Variants in CADM2 observed in about 807,000 individuals in gnomAD.
The protein encoded by CADM2 is immunoglobulin superfamily member 4D.
In CADM2, 12 loss-of-function variants were observed where a neutral mutation model predicts 49.8. The ratio of observed to expected loss-of-function variants is 0.24; its 90% CI spans 0.15 to 0.39. CADM2 has a LOEUF of 0.39. Among genes scored for constraint, CADM2 ranks in the 10% least tolerant of loss-of-function variants. The probability of loss-of-function intolerance (pLI) is 1.00; values close to 1 mark genes in which losing one functional copy is unlikely to be tolerated. For synonymous variants in CADM2, 214 were observed against 175.4 expected (o/e 1.22, Z -1.74); for missense variants, 378 against 492.3 (o/e 0.77, Z 2.20).
intron 7 of CADM2, among the ~76,000 whole-genome samples, chr3:85,942,085 AATG>A (rs1225895949): frequency 2.0e-5 from 3 of 152,088 alleles, no homozygotes; most frequent in African/African-American, 7.2e-5. Flanking sequence ...TATTAACAAC[AATG>A]ATGATTGTAT....
chr3:85,788,291 A>T (rs989722818), intron 2 of CADM2, among the ~76,000 whole-genome samples: 11 of 152,164 alleles, frequency 7.2e-5, no homozygotes, highest in African/African-American at 2.7e-4. Flanking sequence ...TATCAATAAT[A>T]TAAACTGAAA....
At chr3:85,673,733 T>C (rs140757730) in intron 1 of CADM2, among the ~76,000 whole-genome samples, 1 of 152,202 alleles carries the variant, frequency 6.6e-6, no homozygotes, top group African/African-American at 2.4e-5. Flanking sequence ...CCAGGCTCGT[T>C]TAAACCCAAA....
At chr3:85,955,011 A>G (rs915088483) in intron 7 of CADM2, among the ~76,000 whole-genome samples, 1 of 151,340 alleles carries the variant, frequency 6.6e-6, no homozygotes, top group Non-Finnish European at 1.5e-5. Context: ...TGGAATTTCT[A>G]AACTGAAATA....
chr3:85,269,788 G>A lies in CADM2; in HGVS notation c.61+310120G>A, dbSNP rs1347371888. Reference sequence around the variant, plus strand: ...AATCAATGCAAACCATCTGTCTCAAGTAGAAAATGAACATTTTTAATTTTC... The same window carrying A: ...AATCAATGCAAACCATCTGTCTCAAATAGAAAATGAACATTTTTAATTTTC... On this transcript the variant is annotated intron_variant, in intron 1 of 9. Coordinates refer to ENST00000383699, the MANE Select transcript of CADM2 (RefSeq NM_001167675.2). Among the ~76,000 whole-genome samples, 6 of 151,318 alleles carry A rather than the reference G, an allele frequency of 4.0e-5. No homozygotes were observed. In the East Asian group the frequency reaches 1.2e-3, roughly 30 times the overall value.
chr3:85,151,618 A>G (rs755889873), intron 1 of CADM2, among the ~76,000 whole-genome samples: 10 of 152,232 alleles, frequency 6.6e-5, no homozygotes, highest in Admixed American at 3.9e-4. Context: ...AATCCAAGTT[A>G]TGATGGCTCC....
chr3:85,267,481 C>G (rs2043147117), intron 1 of CADM2, among the ~76,000 whole-genome samples: 1 of 151,718 alleles, frequency 6.6e-6, no homozygotes, highest in African/African-American at 2.4e-5. Flanking sequence ...CAGAAACCCA[C>G]CATATTTAAG....
chr3:85,514,884 G>T (rs1277981766), intron 1 of CADM2, among the ~76,000 whole-genome samples: 1 of 151,970 alleles, frequency 6.6e-6, no homozygotes, highest in Non-Finnish European at 1.5e-5. Flanking sequence ...ATCCAGCATA[G>T]ACATGATTAA....
intron 1 of CADM2, among the ~76,000 whole-genome samples, chr3:85,175,204 T>C (rs2040746295): frequency 6.6e-6 from 1 of 152,218 alleles, no homozygotes. Flanking sequence ...CTGTGGAAAG[T>C]TGTATCGTCA....
intron 1 of CADM2, among the ~76,000 whole-genome samples, chr3:85,696,702 G>A (rs916172753): frequency 1.1e-4 from 17 of 151,936 alleles, no homozygotes; most frequent in African/African-American, 4.1e-4. Context: ...TTTATTAAAA[G>A]TTAAAAATGT....
chr3:84,976,220 C>T (rs1419124205), intron 1 of CADM2, among the ~76,000 whole-genome samples: 1 of 151,592 alleles, frequency 6.6e-6, no homozygotes, highest in African/African-American at 2.4e-5. Context: ...GTGAATTTGT[C>T]ATATCTACAT....
chr3:85,898,962 T>TTTTA (rs1715717056), intron 5 of CADM2, among the ~76,000 whole-genome samples: 1 of 71,962 alleles, frequency 1.4e-5, no homozygotes, highest in African/African-American at 5.8e-5. Context: ...TATATTTTTT[T>TTTTA]TTTTTTTTTT....
chr3:85,936,797 A>C (rs7636206), intron 7 of CADM2, among the ~76,000 whole-genome samples: 105,691 of 151,550 alleles, frequency 0.7, 38,459 homozygotes, highest in African/African-American at 0.92. Flanking sequence ...TTAACTTCAT[A>C]AATTGTATGT....
At chr3:85,797,189 C>T (rs910334210) in intron 2 of CADM2, among the ~76,000 whole-genome samples, 1 of 150,442 alleles carries the variant, frequency 6.6e-6, no homozygotes, top group Non-Finnish European at 1.5e-5. Flanking sequence ...TAGCAATAAA[C>T]ATTCTCTTCT....
At chr3:85,881,573 T>C (rs965977144) in intron 3 of CADM2, among the ~76,000 whole-genome samples, 1 of 152,314 alleles carries the variant, frequency 6.6e-6, no homozygotes, top group Admixed American at 6.5e-5. Flanking sequence ...AATTATGGGC[T>C]GTGGTTCTAA....
At chr3:85,218,702 A>G (rs2041985012) in intron 1 of CADM2, among the ~76,000 whole-genome samples, 1 of 152,168 alleles carries the variant, frequency 6.6e-6, no homozygotes, top group Non-Finnish European at 1.5e-5. Context: ...AGGCTGAAGC[A>G]GGAGAGTCAC....
At chr3:85,921,821 T>C (rs929153477) in intron 6 of CADM2, among the ~76,000 whole-genome samples, 2 of 152,090 alleles carry the variant, frequency 1.3e-5, no homozygotes, top group African/African-American at 4.8e-5. Flanking sequence ...TCTCCTGTGC[T>C]CCACCTCTTT....
intron 1 of CADM2, among the ~76,000 whole-genome samples, chr3:84,971,865 A>G (rs986849280): frequency 6.6e-6 from 1 of 152,048 alleles, no homozygotes; most frequent in Non-Finnish European, 1.5e-5. Flanking sequence ...TAGCCATACC[A>G]TGATGGAGTA....
At chr3:85,141,737 G>A (rs1241939922) in intron 1 of CADM2, among the ~76,000 whole-genome samples, 2 of 152,068 alleles carry the variant, frequency 1.3e-5, no homozygotes, top group Admixed American at 6.6e-5. Context: ...ACAATTATCC[G>A]GAACTCTCAT....
At chr3:85,298,806 C>T (rs1428810978) in intron 1 of CADM2, among the ~76,000 whole-genome samples, 1 of 151,952 alleles carries the variant, frequency 6.6e-6, no homozygotes, top group African/African-American at 2.4e-5. Context: ...CATTGTAAAA[C>T]AAAAACTCAG....
Sources: allele counts gnomAD v4.1 joint callset (sites outside exome capture counted in the v4.1 genomes callset), GRCh38; gene constraint gnomAD v4.1.1; transcripts MANE v1.5; gene names NCBI Gene and HGNC (gene_info 2026-07-23, HGNC 2026-07-21).